ZBTB40: variants seen among roughly 807,000 people sequenced by gnomAD.
ZBTB40 encodes the protein zinc finger and BTB domain-containing protein 40.
ZBTB40 carries 60 observed loss-of-function variants against 117.5 expected under a neutral mutation model. That is an observed-to-expected ratio of 0.51 (90% CI 0.41 to 0.63). The LOEUF is 0.63. ZBTB40 is among the 30% of genes least tolerant of loss of function. ZBTB40 has a pLI of 0.00. For synonymous variants in ZBTB40, 525 were observed against 577.1 expected (o/e 0.91, Z 1.29); for missense variants, 1,287 against 1,498.5 (o/e 0.86, Z 2.33).
At chr1:22,522,811 C>A (rs1639570537) in intron 16 of ZBTB40, among the ~76,000 whole-genome samples, 1 of 150,276 alleles carries the variant, frequency 6.7e-6, no homozygotes, top group Admixed American at 6.6e-5. Flanking sequence ...TGTCACCCAG[C>A]CTGGAGTGCA....
intron 1 of ZBTB40, among the ~76,000 whole-genome samples, chr1:22,475,361 A>T (rs570432549): frequency 2.0e-5 from 3 of 152,220 alleles, no homozygotes; most frequent in Non-Finnish European, 4.4e-5. Context: ...ACTTCCTCTT[A>T]CATGGGTGTT....
At position 22,530,875 on chromosome 1, in the gene ZBTB40, T is replaced by A. The variant is rs1462534333; in HGVS notation, c.*4479T>A. Reference sequence around the variant, plus strand: ...GCTCTCCTGTCACTTGGAGTCTCATTCCTAAACCCTCCTTCCCAGGGAGCA... The same window carrying A: ...GCTCTCCTGTCACTTGGAGTCTCATACCTAAACCCTCCTTCCCAGGGAGCA... On this transcript the variant is annotated 3_prime_UTR_variant, in exon 18 of 18. Transcript: ENST00000375647. 2 of 152,122 alleles carry A rather than the reference T, an allele frequency of 1.3e-5. No homozygotes were observed. The highest frequency in any genetic ancestry group is 2.9e-5 in the Non-Finnish European group (2 of 68,036). The allele number at this position is 152,122 out of a possible 1,614,324, so 9.4% of individuals were successfully genotyped here.
chr1:22,429,483 G>A (rs530872457), intron 1 of ZBTB40, among the ~76,000 whole-genome samples: 1 of 151,828 alleles, frequency 6.6e-6, no homozygotes, highest in South Asian at 2.1e-4. Flanking sequence ...TTCACATTAG[G>A]TCCTTAATCC....
chr1:22,517,419 T>C lies in ZBTB40; in HGVS notation c.2788T>C (p.Phe930Leu), dbSNP rs764354496. 9.9e-6 allele frequency: 16 copies of C among 1,614,036 alleles called. No homozygotes were observed. Among genetic ancestry groups the C allele is most frequent in the African/African-American group, 6.7e-5 (5 of 74,928 alleles). Residue 930 changes from phenylalanine (F) to leucine (L), a missense_variant, in exon 13 of 18, where the codon TTC becomes CTC. Phe to Leu is a conservative substitution (Grantham distance 22). Coordinates refer to ENST00000375647, the MANE Select transcript of ZBTB40 (RefSeq NM_014870.4). Reference sequence around the variant, plus strand: ...TGTCTGCAGAGACTGTGGCAAGGGCTTCCGGCAAGCCAATGGCCTCTCCAT... The same window carrying C: ...TGTCTGCAGAGACTGTGGCAAGGGCCTCCGGCAAGCCAATGGCCTCTCCAT... ...PYVCRDCGKG[F>L]RQANGLSIHL...
chr1:22,450,680 C>T (rs1260888037), upstream of ZBTB40, among the ~76,000 whole-genome samples: 1 of 152,180 alleles, frequency 6.6e-6, no homozygotes, highest in Non-Finnish European at 1.5e-5. Context: ...ACGGTAGCTG[C>T]ATGTCAGACA....
In ZBTB40 at chr1:22,471,863, C is replaced by T. The variant is rs1303651419; in HGVS notation, c.-69-18017C>T. Among the ~76,000 whole-genome samples the T allele has an allele frequency of 3.9e-5, 6 of 152,318 alleles. No homozygotes were observed. In the Middle Eastern group the frequency reaches 0.01, roughly 259 times the overall value. ...ATACCACACACCACGTAGGCCCACA[C>T]GGGAGCTGCACTCGAGAGCAGAGTA... On this transcript the variant is annotated intron_variant, in intron 1 of 17. Transcript: ENST00000375647.
chr1:22,503,052 C>T (rs1472490562), intron 5 of ZBTB40, among the ~76,000 whole-genome samples: 1 of 151,238 alleles, frequency 6.6e-6, no homozygotes, highest in African/African-American at 2.4e-5. Context: ...TACCTAATAT[C>T]TTAATACATG....
intron 1 of ZBTB40, among the ~76,000 whole-genome samples, chr1:22,485,322 A>G (rs1220324216): frequency 6.6e-6 from 1 of 152,200 alleles, no homozygotes; most frequent in African/African-American, 2.4e-5. Flanking sequence ...CTACTTTAAT[A>G]GATATAGGCC....
At chr1:22,447,703 T>A (rs1008228538), upstream of ZBTB40, among the ~76,000 whole-genome samples, 1 of 152,212 alleles carries the variant, frequency 6.6e-6, no homozygotes, top group African/African-American at 2.4e-5. Flanking sequence ...GCAGCCCTGC[T>A]GGAGCAAGGC....
upstream of ZBTB40, among the ~76,000 whole-genome samples, chr1:22,451,034 G>GACGCTTCAACAGGGA (rs1640857578): frequency 6.6e-6 from 1 of 152,202 alleles, no homozygotes; most frequent in Non-Finnish European, 1.5e-5. Flanking sequence ...GTGGCAAGGG[G>GACGCTTCAACAGGGA]ACGCTTCAAC....
chr1:22,509,198 T>G lies in ZBTB40; in HGVS notation c.1798T>G (p.Ser600Ala). 1 of 1,614,164 alleles carries G rather than the reference T, an allele frequency of 6.2e-7. No homozygotes were observed. Among genetic ancestry groups the G allele is most frequent in the Non-Finnish European group, 8.5e-7 (1 of 1,180,026 alleles). ...GAAGATTGAGTACAAGCTCTTTACCTCGGAGGAGGAGCACCTGGCAGAGAC... is the reference window on the plus strand; with the variant it reads ...GAAGATTGAGTACAAGCTCTTTACCGCGGAGGAGGAGCACCTGGCAGAGAC... ...QQKIEYKLFT[S>A]EEEHLAETVK... The change falls in exon 9 of 18, where the codon TCG becomes GCG. Residue 600 changes from serine to alanine, a missense_variant. Transcript: ENST00000375647.
rs112364872 is a variant in ZBTB40 at position 22,475,153 on chromosome 1, C to T, written c.-69-14727C>T. 4.5e-3 allele frequency among the ~76,000 whole-genome samples: 692 copies of T among 152,232 alleles called. 7 individuals are homozygous for T. The highest frequency in any genetic ancestry group is 0.016 in the African/African-American group (651 of 41,554). Reference sequence around the variant, plus strand: ...GTGGGTCTAGCTTTTGCTTCATGAACCTCAAACTGTTTATTGGGAGGCAAT... The same window carrying T: ...GTGGGTCTAGCTTTTGCTTCATGAATCTCAAACTGTTTATTGGGAGGCAAT... On this transcript the variant is annotated intron_variant, in intron 1 of 17. Coordinates refer to ENST00000375647, the MANE Select transcript of ZBTB40 (RefSeq NM_014870.4).
At chr1:22,521,343 C>T (rs1282423983) in intron 14 of ZBTB40, among the ~76,000 whole-genome samples, 153 bp from the exon 15 acceptor site, 1 of 152,186 alleles carries the variant, frequency 6.6e-6, no homozygotes, top group African/African-American at 2.4e-5. Context: ...ACCAGGCTTT[C>T]CTCACATCAG....
intron 1 of ZBTB40, among the ~76,000 whole-genome samples, chr1:22,481,345 T>C (rs1638307448): frequency 1.3e-5 from 2 of 152,206 alleles, no homozygotes. Flanking sequence ...TATGTAGCCA[T>C]TGACCACCCT....
intron 1 of ZBTB40, among the ~76,000 whole-genome samples, chr1:22,487,355 A>G (rs1033491934): frequency 1.3e-5 from 2 of 152,202 alleles, no homozygotes; most frequent in Non-Finnish European, 2.9e-5. Context: ...TTTTTGACAT[A>G]TGTCTTTCCG....
chr1:22,482,323 AT>A (rs955531347), intron 1 of ZBTB40, among the ~76,000 whole-genome samples: 3 of 152,100 alleles, frequency 2.0e-5, no homozygotes, highest in African/African-American at 7.2e-5. Flanking sequence ...TTAATAAACT[AT>A]TTTTTTAGAG....
chr1:22,491,269 C>T, intron 2 of ZBTB40, 131 bp from the exon 3 acceptor site: 1 of 902,662 alleles, frequency 1.1e-6, no homozygotes, highest in South Asian at 1.5e-5. Context: ...GTCTGTTATT[C>T]ATAACTGATG....
rs141576719 is a variant in ZBTB40, at chr1:22,526,647, C to T, written c.*251C>T. ...CTCCCTCCCCACAGGCCCGCTGCTG[C>T]GGCCTCTATGACACTGTCCATCCCC... On this transcript the variant is annotated 3_prime_UTR_variant, in exon 18 of 18. Coordinates refer to ENST00000375647, the MANE Select transcript of ZBTB40 (RefSeq NM_014870.4). The T allele has an allele frequency of 4.9e-4, 249 of 511,684 alleles. 2 individuals are homozygous for T. The highest frequency in any genetic ancestry group is 2.9e-3 in the African/African-American group (150 of 51,838). 31.7% of individuals were successfully genotyped at this position (511,684 alleles called of 1,614,324 possible).
chr1:22,505,948 C>T, intron 5 of ZBTB40, 101 bp from the exon 6 acceptor site: 1 of 1,186,808 alleles, frequency 8.4e-7, no homozygotes, highest in Non-Finnish European at 1.3e-6. Context: ...ACTTGGAGAT[C>T]AGGCATCTTG....
Sources: gnomAD v4.1 joint callset for allele counts (sites outside exome capture counted in the v4.1 genomes callset) on GRCh38, gnomAD v4.1.1 for gene constraint, MANE v1.5 for transcripts, NCBI Gene and HGNC (gene_info 2026-07-23, HGNC 2026-07-21) for gene names.